The following MYH8 variants were observed in gnomAD, a reference collection of about 807,000 sequenced individuals.
MYH8 encodes myosin-8.
A neutral mutation model predicts 233.2 loss-of-function variants in MYH8; 168 were observed. That is an observed-to-expected ratio of 0.72 (90% confidence interval 0.64 to 0.82). MYH8 has a LOEUF of 0.82. Ranked by LOEUF, MYH8 falls within the 40% of genes least tolerant of loss-of-function variation. The probability of loss-of-function intolerance (pLI) is 0.00; values close to 1 mark genes in which losing one functional copy is unlikely to be tolerated. For synonymous variants in MYH8, 785 were observed against 850.6 expected (o/e 0.92, Z 1.34); for missense variants, 1,995 against 2,327.8 (o/e 0.86, Z 2.94).
intron 18 of MYH8, 21 bp from the exon 19 acceptor site, chr17:10,406,828 T>G (rs749900090): frequency 1.2e-6 from 2 of 1,612,800 alleles, no homozygotes; most frequent in South Asian, 2.2e-5. Context: ...AGAACAGTAC[T>G]TATTAGTGGG....
chr17:10,408,982 T>A, intron 17 of MYH8, 115 bp downstream of exon 17: 1 of 934,590 alleles, frequency 1.1e-6, no homozygotes, highest in East Asian at 2.6e-5. Context: ...TGACGAGAGC[T>A]GATATTTGAA....
At chr17:10,402,301 A>G (rs1359112453) in intron 22 of MYH8, among the ~76,000 whole-genome samples, 1 of 152,196 alleles carries the variant, frequency 6.6e-6, no homozygotes, top group African/African-American at 2.4e-5. Context: ...GCTGTATTGA[A>G]GAAAGAAAAA....
At position 10,412,623 on chromosome 17, in the gene MYH8, T is replaced by C. The variant is rs781327259; in HGVS notation, c.1253A>G (p.Gln418Arg). 6 of 1,614,122 alleles carry C rather than the reference T, an allele frequency of 3.7e-6. No homozygotes were observed. In the Admixed American group the frequency reaches 8.3e-5, roughly 22 times the overall value. The change falls in exon 13 of 40, where the codon CAG (glutamine) becomes CGG (arginine). Residue 418 changes from glutamine to arginine, a missense_variant. By Grantham distance (43) the Gln-to-Arg change is conservative. This residue lies in a region of MYH8 where 479 missense variants were observed against 600.9 expected (regional missense o/e 0.80). Transcript: ENST00000403437. Reference protein sequence around the residue: ...KVGNEYVTKGQTVQQVYNAVG... With the variant: ...KVGNEYVTKGRTVQQVYNAVG... ...TCATGCACTTACCTGCTGCACAGTCTGGCCTTTGGTGACATACTCATTGCC... is the reference window on the plus strand; with the variant it reads ...TCATGCACTTACCTGCTGCACAGTCCGGCCTTTGGTGACATACTCATTGCC...
At chr17:10,408,828 T>C (rs1403500032) in intron 17 of MYH8, among the ~76,000 whole-genome samples, 1 of 152,234 alleles carries the variant, frequency 6.6e-6, no homozygotes, top group Non-Finnish European at 1.5e-5. Flanking sequence ...AGTTTAGCTA[T>C]ACTTCTTTAG....
At chr17:10,399,751 TA>T in intron 27 of MYH8, 82 bp from the exon 28 acceptor site, 2 of 1,574,448 alleles carry the variant, frequency 1.3e-6, no homozygotes, top group Non-Finnish European at 1.7e-6. Context: ...ATTTGTAGAG[TA>T]AATAAATTCA....
At chr17:10,405,862 G>A (rs939237628) in intron 21 of MYH8, among the ~76,000 whole-genome samples, 179 bp downstream of exon 21, 1 of 152,240 alleles carries the variant, frequency 6.6e-6, no homozygotes, top group Non-Finnish European at 1.5e-5. Context: ...AGGTAGGAGA[G>A]AAGTTTTGAA....
intron 28 of MYH8, 112 bp downstream of exon 28, chr17:10,399,431 C>G (rs2072112906): frequency 6.3e-7 from 1 of 1,575,522 alleles, no homozygotes; most frequent in African/African-American, 1.4e-5. Flanking sequence ...TCTTAGCAAA[C>G]TCTGATCATT....
At chr17:10,405,981 C>A in intron 21 of MYH8, 60 bp downstream of exon 21, 1 of 1,590,478 alleles carries the variant, frequency 6.3e-7, no homozygotes, top group Non-Finnish European at 8.6e-7. Flanking sequence ...AATGAATGAA[C>A]AAGACTGATT....
At chr17:10,392,778 TAG>T (rs2072039370) in intron 37 of MYH8, 51 bp downstream of exon 37, 15 of 1,613,822 alleles carry the variant, frequency 9.3e-6, no homozygotes, top group Non-Finnish European at 1.1e-5. Context: ...GAGAGAAGGG[TAG>T]AGAGAGTGCC....
chr17:10,398,828 G>T lies in MYH8; in HGVS notation c.3921C>A (p.Ser1307Arg), dbSNP rs201161796. The T allele has an allele frequency of 5.4e-5, 87 of 1,613,680 alleles. No individual in the cohort carries two copies. Among genetic ancestry groups the T allele is most frequent in the Admixed American group, 1.3e-4 (8 of 60,000 alleles). ...CAATCTGCTGAGTAGATGCTTGCTT[G>T]CTCCTTGAAAGCTGAGAGACTAAAG... is the stretch of plus-strand genomic sequence containing the variant. ...KDALVSQLSR[S>R]KQASTQQIEE... is the part of the protein sequence containing the mutation. Residue 1307 changes from serine to arginine, a missense_variant, in exon 29 of 40, where the codon AGC becomes AGA. Around this residue, in one of 3 missense-constraint regions of MYH8, gnomAD observed 1,498 missense variants for 1,680.9 expected, o/e 0.89. Coordinates refer to ENST00000403437, the MANE Select transcript of MYH8 (RefSeq NM_002472.3).
Position 10,406,338 on chromosome 17 carries a change from G to A in MYH8, c.2231C>T (p.Ala744Val). ...PEGQFIDSKK[A>V]SEKLLASIDI... ...AATAGATGCAAGAAGTTTCTCAGAAGCCTTCTTGCTGTCAATGAACTGTCC... is the reference window on the plus strand; with the variant it reads ...AATAGATGCAAGAAGTTTCTCAGAAACCTTCTTGCTGTCAATGAACTGTCC... The change falls in exon 20 of 40, where the codon GCT becomes GTT. Residue 744 changes from alanine (A) to valine (V), a missense_variant. By Grantham distance (64) the Ala-to-Val change is moderately conservative. Transcript: ENST00000403437. 1.2e-6 allele frequency: 2 copies of A among 1,613,168 alleles called. No individual in the cohort carries two copies. Among genetic ancestry groups the A allele is most frequent in the Non-Finnish European group, 1.7e-6 (2 of 1,179,188 alleles).
chr17:10,404,146 T>C (rs1412274977), intron 22 of MYH8, among the ~76,000 whole-genome samples, 184 bp downstream of exon 22: 2 of 152,182 alleles, frequency 1.3e-5, no homozygotes, highest in African/African-American at 4.8e-5. Context: ...ATCTTTCCTT[T>C]TCCCATTGTA....
At position 10,412,462 on chromosome 17, in the gene MYH8, T is replaced by C; in HGVS notation, c.1324A>G (p.Met442Val). 1 of 1,614,240 alleles carries C rather than the reference T, an allele frequency of 6.2e-7. No homozygotes were observed. The highest frequency in any genetic ancestry group is 8.5e-7 in the Non-Finnish European group (1 of 1,180,050). ...AGCTGCTGGTTGATGCGGGTGACCA[T>C]CCACAGGAACATCTTCTCGTAGACG... ...KAVYEKMFLW[M>V]VTRINQQLDT... is the part of the protein sequence containing the mutation. Residue 442 changes from methionine to valine, a missense_variant, in exon 14 of 40, where the codon ATG becomes GTG. Transcript: ENST00000403437.
chr17:10,393,272 G>A (rs770996617), intron 35 of MYH8, 62 bp from the exon 36 acceptor site: 45 of 1,605,828 alleles, frequency 2.8e-5, no homozygotes, highest in Non-Finnish European at 3.8e-5. Context: ...GATTTTACAA[G>A]TGTCTTACTT....
In MYH8 at chr17:10,418,992, G is replaced by T. The variant is rs2072312755; in HGVS notation, c.249C>A (p.Asn83Lys). 2 of 1,614,176 alleles carry T rather than the reference G, an allele frequency of 1.2e-6. No individual in the cohort carries two copies. Among genetic ancestry groups the T allele is most frequent in the East Asian group, 4.5e-5 (2 of 44,878 alleles). Residue 83 changes from asparagine (N) to lysine (K), a missense_variant, in exon 4 of 40, where the codon AAC (asparagine) becomes AAA (lysine). Asn to Lys is a moderately conservative substitution (Grantham distance 94, BLOSUM62 0). Coordinates refer to ENST00000403437, the MANE Select transcript of MYH8 (RefSeq NM_002472.3). ...CCTCAATTTTGTCATATTTCGGAGG[G>T]TTCATAGGGAAGACTTGGTCTTCCC... ...TVREDQVFPMNPPKYDKIEDM... is the reference protein window; with the variant it reads ...TVREDQVFPMKPPKYDKIEDM...
chr17:10,392,504 C>A, intron 38 of MYH8, 38 bp downstream of exon 38: 1 of 1,554,974 alleles, frequency 6.4e-7, no homozygotes, highest in Non-Finnish European at 8.9e-7. Context: ...TCCTTCTGGG[C>A]AGGAAGAGTG....
chr17:10,406,806 C>G lies in MYH8; in HGVS notation c.2055G>C (p.Gly685=). 6.2e-7 allele frequency: 1 copy of G among 1,614,034 alleles called. No homozygotes were observed. The highest frequency in any genetic ancestry group is 8.5e-7 in the Non-Finnish European group (1 of 1,179,956). The part of the protein sequence containing the change: ...CIIPNETKTP[G]AMEHELVLHQ... The stretch of plus-strand genomic sequence containing the variant: ...GCAACACAAGTTCATGTTCCATTGC[C>G]CCTAAAAATATAGAACAGTACTTAT... The change falls in exon 19 of 40, where the codon GGG becomes GGC. Residue 685 remains glycine (G), a splice_region_variant and synonymous_variant. Transcript: ENST00000403437.
At chr17:10,408,577 C>T (rs1418291363) in intron 17 of MYH8, among the ~76,000 whole-genome samples, 2 of 152,120 alleles carry the variant, frequency 1.3e-5, no homozygotes, top group Admixed American at 1.3e-4. Context: ...AATTATTATT[C>T]TTTAATCTCA....
chr17:10,413,720 G>C (rs980461466), intron 12 of MYH8, among the ~76,000 whole-genome samples, 182 bp downstream of exon 12: 2 of 152,192 alleles, frequency 1.3e-5, no homozygotes, highest in African/African-American at 4.8e-5. Context: ...GGGCTGGATG[G>C]AAATGATGGA....
Sources: gnomAD v4.1 joint callset for allele counts (sites outside exome capture counted in the v4.1 genomes callset) on GRCh38, gnomAD v4.1.1 for gene constraint, gnomAD v4.1.1 regional missense constraint, MANE v1.5 for transcripts, NCBI Gene and HGNC (gene_info 2026-07-23, HGNC 2026-07-21) for gene names.